Variants in ARHGEF12 observed in about 807,000 individuals in gnomAD.
ARHGEF12 encodes Rho guanine nucleotide exchange factor 12, also known as KMT2A/ARHGEF12 fusion protein.
In ARHGEF12, 66 loss-of-function variants were observed where a neutral mutation model predicts 211.2. The ratio of observed to expected loss-of-function variants is 0.31; its 90% CI spans 0.26 to 0.38. The LOEUF (loss-of-function observed/expected upper bound fraction) is 0.38, where lower values mean the gene tolerates loss of function less well. Among genes scored for constraint, ARHGEF12 ranks in the 10% least tolerant of loss-of-function variants. The pLI is 1.00. For missense variants in ARHGEF12, 1,429 were observed against 1,869.5 expected, an observed-to-expected ratio of 0.76 and a Z score of 4.34; for synonymous variants, 592 against 638.4, an observed-to-expected ratio of 0.93 and a Z score of 1.09.
At chr11:120,418,683 A>G (rs1481215606) in intron 4 of ARHGEF12, among the ~76,000 whole-genome samples, 1 of 152,166 alleles carries the variant, frequency 6.6e-6, no homozygotes, top group Non-Finnish European at 1.5e-5. Context: ...TAGTTGCTCC[A>G]CCTCTTTGCT....
At chr11:120,474,733 T>A in intron 32 of ARHGEF12, 98 bp downstream of exon 32, 1 of 914,380 alleles carries the variant, frequency 1.1e-6, no homozygotes, top group Admixed American at 2.6e-5. Context: ...AACCATTCTC[T>A]CAGCAGTTTG....
At chr11:120,401,154 C>T (rs902344287) in intron 1 of ARHGEF12, among the ~76,000 whole-genome samples, 1 of 152,096 alleles carries the variant, frequency 6.6e-6, no homozygotes, top group African/African-American at 2.4e-5. Context: ...AACGTTCAGA[C>T]TTTTTTTTCT....
chr11:120,475,426 C>T lies in ARHGEF12; in HGVS notation c.3196C>T (p.Leu1066=). ...GGTTTTAAGGTGTCATAGTAAGATT[C>T]TGGCATCTACAGCTGATAGCAAACA... ...RLVLRCHSKI[L]ASTADSKHTF... Residue 1066 remains leucine (L), a synonymous_variant, in exon 33 of 41, where the codon CTG becomes TTG. Coordinates refer to ENST00000397843, the MANE Select transcript of ARHGEF12 (RefSeq NM_015313.3). 6.2e-7 allele frequency: 1 copy of T among 1,614,104 alleles called. No individual in the cohort carries two copies. Among genetic ancestry groups the T allele is most frequent in the Non-Finnish European group, 8.5e-7 (1 of 1,179,990 alleles).
chr11:120,445,204 T>C (rs1946007454), intron 15 of ARHGEF12, among the ~76,000 whole-genome samples: 1 of 152,180 alleles, frequency 6.6e-6, no homozygotes, highest in Non-Finnish European at 1.5e-5. Flanking sequence ...ACTGTAGACT[T>C]TTCCTTTATA....
chr11:120,396,971 A>G (rs1411238205), intron 1 of ARHGEF12, among the ~76,000 whole-genome samples: 3 of 152,218 alleles, frequency 2.0e-5, no homozygotes, highest in Non-Finnish European at 4.4e-5. Context: ...TTCACATACT[A>G]CCTAAGAAAT....
At chr11:120,419,013 G>A (rs983710690) in intron 4 of ARHGEF12, among the ~76,000 whole-genome samples, 4 of 149,562 alleles carry the variant, frequency 2.7e-5, no homozygotes, top group Non-Finnish European at 4.4e-5. Flanking sequence ...TCGCTCTGTC[G>A]CCCAGGCTGG....
chr11:120,447,105 G>A lies in ARHGEF12; in HGVS notation c.1589+20G>A. ...AGTATTGTAAGTAATAGAAGTATATGTGGAAATGCCCTCTCTGCTGAGATA... is the reference window on the plus strand; with the variant it reads ...AGTATTGTAAGTAATAGAAGTATATATGGAAATGCCCTCTCTGCTGAGATA... On this transcript the variant is annotated intron_variant, in intron 18 of 40. Coordinates refer to ENST00000397843, the MANE Select transcript of ARHGEF12 (RefSeq NM_015313.3). 6.2e-7 allele frequency: 1 copy of A among 1,611,568 alleles called. No individual in the cohort carries two copies.
chr11:120,349,543 C>T (rs1397215424), intron 1 of ARHGEF12, among the ~76,000 whole-genome samples: 2 of 152,008 alleles, frequency 1.3e-5, no homozygotes, highest in Non-Finnish European at 2.9e-5. Context: ...AGAAAAGAGC[C>T]TGGGTTTTGG....
chr11:120,443,980 A>G (rs1006215263), intron 15 of ARHGEF12, among the ~76,000 whole-genome samples: 1 of 152,196 alleles, frequency 6.6e-6, no homozygotes, highest in African/African-American at 2.4e-5. Context: ...TTTAGTATCC[A>G]TGGGGGTTCC....
intron 3 of ARHGEF12, chr11:120,409,128 T>C (rs1256526311): frequency 9.5e-6 from 4 of 420,250 alleles, no homozygotes; most frequent in African/African-American, 8.1e-5. Context: ...TCTACAATTA[T>C]CAGGTGATAT....
rs1407998741 is a variant in ARHGEF12 at position 120,475,349 on chromosome 11, C to T, written c.3119C>T (p.Thr1040Met). The T allele has an allele frequency of 3.7e-6, 6 of 1,613,688 alleles. No individual in the cohort carries two copies. Among genetic ancestry groups the T allele is most frequent in the Non-Finnish European group, 3.4e-6 (4 of 1,179,760 alleles). Reference protein sequence around the residue: ...VNRDKTIDLYTLLLEDILVLL... With the variant: ...VNRDKTIDLYMLLLEDILVLL... The stretch of plus-strand genomic sequence containing the variant: ...GCACTTTTATTTCTAGATTTATACA[C>T]GTTGCTGCTGGAAGACATTCTTGTA... The change falls in exon 33 of 41, where the codon ACG becomes ATG. Residue 1040 changes from threonine to methionine, a missense_variant. Transcript: ENST00000397843.
chr11:120,458,283 C>CA (rs748546684), intron 25 of ARHGEF12, 49 bp downstream of exon 25: 1 of 1,601,784 alleles, frequency 6.2e-7, no homozygotes, highest in South Asian at 1.1e-5. Flanking sequence ...TGAGTTTTGT[C>CA]AGAGTGAATT....
intron 1 of ARHGEF12, among the ~76,000 whole-genome samples, chr11:120,376,191 C>A (rs1943718656): frequency 6.6e-6 from 1 of 151,214 alleles, no homozygotes; most frequent in Non-Finnish European, 1.5e-5. Flanking sequence ...AATAAATCAT[C>A]ATATTGGTAT....
At position 120,381,583 on chromosome 11, in the gene ARHGEF12, T is replaced by TGC. The variant is rs1236342548; in HGVS notation, c.33-24534_33-24533dup. On this transcript the variant is annotated intron_variant, in intron 1 of 40. Coordinates refer to ENST00000397843, the MANE Select transcript of ARHGEF12 (RefSeq NM_015313.3). ...GTGAAGTTATGTCATACATTTGTAA[T>TGC]GCAGTTAGTTTCATTTGTCGCAATC... Among the ~76,000 whole-genome samples the TGC allele has an allele frequency of 7.2e-5, 11 of 152,342 alleles. No homozygotes were observed. In the East Asian group the frequency reaches 1.2e-3, roughly 16 times the overall value.
chr11:120,458,349 C>A, intron 25 of ARHGEF12, 115 bp downstream of exon 25: 2 of 1,218,548 alleles, frequency 1.6e-6, no homozygotes, highest in Non-Finnish European at 1.2e-6. Context: ...TTGTTTTAAA[C>A]AAAGAGGAAA....
At chr11:120,473,678 G>A (rs1229373394) in intron 31 of ARHGEF12, among the ~76,000 whole-genome samples, 3 of 152,236 alleles carry the variant, frequency 2.0e-5, no homozygotes, top group Non-Finnish European at 2.9e-5. Flanking sequence ...TTACAGGCAT[G>A]AGCCACTATG....
intron 4 of ARHGEF12, among the ~76,000 whole-genome samples, chr11:120,415,925 C>A (rs1226457042): frequency 2.6e-5 from 4 of 152,132 alleles, no homozygotes; most frequent in Admixed American, 6.5e-5. Context: ...ATAAATGTGG[C>A]TAATACAGTG....
At chr11:120,408,083 A>G (rs997215115) in intron 3 of ARHGEF12, 7 of 309,334 alleles carry the variant, frequency 2.3e-5, no homozygotes, top group Non-Finnish European at 4.1e-5. Flanking sequence ...AGAAATGGTT[A>G]TATAATAATT....
chr11:120,399,349 AAAG>A (rs1482843679), intron 1 of ARHGEF12, among the ~76,000 whole-genome samples: 57 of 148,468 alleles, frequency 3.8e-4, no homozygotes, highest in Non-Finnish European at 5.7e-4. Context: ...AAAAAAAAAA[AAAG>A]AAAAGAAAGA....
Sources: gnomAD v4.1 joint callset for allele counts (sites outside exome capture counted in the v4.1 genomes callset) on GRCh38, gnomAD v4.1.1 for gene constraint, MANE v1.5 for transcripts, NCBI Gene and HGNC (gene_info 2026-07-23, HGNC 2026-07-21) for gene names.